RPS2: variants seen among roughly 807,000 people sequenced by gnomAD.
RPS2 encodes the protein small ribosomal subunit protein uS5.
RPS2 carries 8 observed loss-of-function variants against 25.3 expected under a neutral mutation model. That is an observed-to-expected ratio of 0.32 (90% CI 0.19 to 0.57). The LOEUF (loss-of-function observed/expected upper bound fraction) is 0.57, where lower values mean the gene tolerates loss of function less well. Among genes scored for constraint, RPS2 ranks in the 20% least tolerant of loss-of-function variants. RPS2 has a pLI of 0.90. For synonymous variants in RPS2, 181 were observed against 161.3 expected, an observed-to-expected ratio of 1.12 and a Z score of -0.92; for missense variants, 229 against 408.1, an observed-to-expected ratio of 0.56 and a Z score of 3.78.
At chr16:1,964,782 C>G (rs2083291948) in intron 1 of RPS2, 25 bp downstream of exon 1, 4 of 552,020 alleles carry the variant, frequency 7.2e-6, no homozygotes, top group Admixed American at 7.5e-5. Context: ...CGCAGAGGCC[C>G]GCTGCAGCGA....
intron 3 of RPS2, chr16:1,963,665 C>G (rs984954195): frequency 6.8e-5 from 25 of 367,738 alleles, no homozygotes; most frequent in Non-Finnish European, 1.1e-4. Flanking sequence ...GGCTTCCCCC[C>G]GATCTGTCCC....
chr16:1,963,629 CGAAGAAGTCATGAA>C (rs2083278667), intron 3 of RPS2: 1 of 334,022 alleles, frequency 3.0e-6, no homozygotes, highest in Non-Finnish European at 5.9e-6. Flanking sequence ...CAAAAAAAAC[CGAAGAAGTCATGAA>C]CCCCCTCACC....
intron 4 of RPS2, 119 bp downstream of exon 4, chr16:1,963,030 G>C: frequency 7.3e-7 from 1 of 1,376,430 alleles, no homozygotes; most frequent in Non-Finnish European, 1.0e-6. Flanking sequence ...GAGGTCCTGA[G>C]GAGATCTTTT....
rs1221304310 is a variant in RPS2, at chr16:1,964,496, G to T, written c.130C>A (p.Arg44=). 73 of 1,604,600 alleles carry T rather than the reference G, an allele frequency of 4.5e-5. No individual in the cohort carries two copies. The highest frequency in any genetic ancestry group is 6.1e-5 in the Non-Finnish European group (72 of 1,176,728). Residue 44 remains arginine (R), a synonymous_variant, in exon 2 of 7, where the codon CGG becomes AGG. Coordinates refer to ENST00000343262, the MANE Select transcript of RPS2 (RefSeq NM_002952.4). ...CCGCGAGCTCCGCGGCCTCGGCCCCGGCCCCGTCCACGGCCGCGACCCCGG... is the reference window on the plus strand; with the variant it reads ...CCGCGAGCTCCGCGGCCTCGGCCCCTGCCCCGTCCACGGCCGCGACCCCGG... The part of the protein sequence containing the change: ...RGRGRGRGRG[R]GRGRGARGGK...
chr16:1,964,015 C>G (rs1288573438), intron 3 of RPS2: 7 of 513,712 alleles, frequency 1.4e-5, no homozygotes, highest in Non-Finnish European at 2.1e-5. Context: ...AGCGCTGCTT[C>G]TCTTTCAGTT....
chr16:1,964,209 T>G lies in RPS2; in HGVS notation c.267+67A>C, dbSNP rs113400382. 1.4e-5 allele frequency: 17 copies of G among 1,191,884 alleles called. No homozygotes were observed. In the African/African-American group the frequency reaches 2.2e-4, roughly 16 times the overall value. 73.8% of individuals were successfully genotyped at this position (1,191,884 alleles called of 1,614,324 possible). A position where few individuals can be genotyped will look rare whatever the true frequency, so the allele number is the denominator to read the frequency against. On this transcript the variant is annotated intron_variant, in intron 3 of 6. Transcript: ENST00000343262. ...AATGCGAGTCAATGGCAGATGCTAA[T>G]CCTCCAACCCCAGCCCAAATGACTC...
chr16:1,964,166 CGA>C, intron 3 of RPS2, 108 bp downstream of exon 3: 1 of 818,284 alleles, frequency 1.2e-6, no homozygotes, highest in Middle Eastern at 3.6e-4. Flanking sequence ...ACCTCTCACG[CGA>C]GACGCTGGGC....
At chr16:1,963,570 C>A in intron 3 of RPS2, 4 of 357,370 alleles carry the variant, frequency 1.1e-5, no homozygotes, top group South Asian at 8.8e-5. Flanking sequence ...GAGCCGAGAT[C>A]ACGCCAGCCT....
Position 1,964,586 on chromosome 16 carries a change from G to T in RPS2, c.40C>A (p.Pro14Thr). 6.5e-7 allele frequency: 1 copy of T among 1,544,690 alleles called. No individual in the cohort carries two copies. The highest frequency in any genetic ancestry group is 8.7e-7 in the Non-Finnish European group (1 of 1,152,544). Residue 14 changes from proline (P) to threonine (T), a missense_variant, in exon 2 of 7, where the codon CCT (proline) becomes ACT (threonine). Physicochemically the swap from Pro to Thr is conservative, Grantham distance 38. This residue lies in a region of RPS2 where 27 missense variants were observed against 26.4 expected (regional missense o/e 1.02). Coordinates refer to ENST00000343262, the MANE Select transcript of RPS2 (RefSeq NM_002952.4). ...DAGAAGGPGG[P>T]GGPGMGNRGG... is the part of the protein sequence containing the mutation. Reference sequence around the variant, plus strand: ...CGGTTCCCCATCCCAGGGCCACCAGGGCCCCCGGGCCCCCCCGCTGCACCG... The same window carrying T: ...CGGTTCCCCATCCCAGGGCCACCAGTGCCCCCGGGCCCCCCCGCTGCACCG...
Position 1,964,398 on chromosome 16 carries a change from C to A in RPS2, c.178-33G>T, listed in dbSNP as rs371546958. 45 of 1,612,932 alleles carry A rather than the reference C, an allele frequency of 2.8e-5. No homozygotes were observed. The African/African-American group carries it at 5.2e-4, about 19-fold the overall frequency. On this transcript the variant is annotated intron_variant, in intron 2 of 6. Transcript: ENST00000343262. Reference sequence around the variant, plus strand: ...GAGAAAAGGCGCCAGTGACCAGGACCGCTCTCCGGCGCCGCCCAGGGGCCC... The same window carrying A: ...GAGAAAAGGCGCCAGTGACCAGGACAGCTCTCCGGCGCCGCCCAGGGGCCC...
At chr16:1,963,030 G>A (rs775459779) in intron 4 of RPS2, 119 bp downstream of exon 4, 78 of 1,376,430 alleles carry the variant, frequency 5.7e-5, no homozygotes, top group Non-Finnish European at 8.0e-5. Context: ...GAGGTCCTGA[G>A]GAGATCTTTT....
At chr16:1,963,022 G>A (rs759700030) in intron 4 of RPS2, 113 bp from the exon 5 acceptor site, 9 of 1,386,274 alleles carry the variant, frequency 6.5e-6, no homozygotes, top group Non-Finnish European at 9.2e-6. Flanking sequence ...GCCCATCCGA[G>A]GTCCTGAGGA....
At position 1,963,628 on chromosome 16, in the gene RPS2, C is replaced by A. The variant is rs776381869; in HGVS notation, c.268-372G>T. On this transcript the variant is annotated intron_variant, in intron 3 of 6. Transcript: ENST00000343262. ...AACCGCCCACCCCGCCCAAAAAAAA[C>A]CGAAGAAGTCATGAACCCCCTCACC... 5 of 335,332 alleles carry A rather than the reference C, an allele frequency of 1.5e-5. No homozygotes were observed. In the Admixed American group the frequency reaches 2.0e-4, roughly 13 times the overall value. The allele number at this position is 335,332 out of a possible 1,614,324, so 20.8% of individuals were successfully genotyped here. A position where few individuals can be genotyped will look rare whatever the true frequency, so the allele number is the denominator to read the frequency against.
At position 1,963,259 on chromosome 16, in the gene RPS2, G is replaced by C. The variant is rs780193887; in HGVS notation, c.268-3C>G. On this transcript the variant is annotated splice_polypyrimidine_tract_variant and splice_region_variant and intron_variant, in intron 3 of 6. Transcript: ENST00000343262. ...AAGAAATCAATGATCTCTGATTCCT[G>C]AAACAAACAAGAAAATTGTAGGGAG... The C allele has an allele frequency of 3.3e-6, 5 of 1,497,120 alleles. No individual in the cohort carries two copies. In the South Asian group the frequency reaches 6.1e-5, roughly 18 times the overall value. The allele number at this position is 1,497,120 out of a possible 1,614,324, so 92.7% of individuals were successfully genotyped here.
Position 1,962,063 on chromosome 16 carries a change from C to T in RPS2, c.*35G>A, listed in dbSNP as rs746503859. On this transcript the variant is annotated 3_prime_UTR_variant, in exon 7 of 7. Coordinates refer to ENST00000343262, the MANE Select transcript of RPS2 (RefSeq NM_002952.4). ...AGGACACGGGAAAAAAACAGTAACA[C>T]GCTTAATTCACTTTATTTTTCTTGT... 4 of 1,516,866 alleles carry T rather than the reference C, an allele frequency of 2.6e-6. No individual in the cohort carries two copies. The highest frequency in any genetic ancestry group is 1.4e-5 in the African/African-American group (1 of 71,784). The allele number at this position is 1,516,866 out of a possible 1,614,324, so 94.0% of individuals were successfully genotyped here.
chr16:1,962,221 G>A lies in RPS2; in HGVS notation c.759C>T (p.Pro253=), dbSNP rs145826103. The A allele has an allele frequency of 6.6e-5, 107 of 1,609,714 alleles. No homozygotes were observed. The highest frequency in any genetic ancestry group is 1.2e-4 in the South Asian group (11 of 91,020). ...AISKTYSYLT[P]DLWKETVFTK... ...TGAATACAGTCTCCTTCCAGAGGTC[G>A]GGGGTCAGGTAGCTGTAGGTCTTAG... The change falls in exon 7 of 7, where the codon CCC becomes CCT. Residue 253 remains proline, a synonymous_variant. Coordinates refer to ENST00000343262, the MANE Select transcript of RPS2 (RefSeq NM_002952.4).
rs566334570 is a variant in RPS2, at chr16:1,964,254, C to A, written c.267+22G>T. ...TGACTCCGGGGTCGCACTTGCTCAACGCCCCAACGACCGACGCGTACCTTA... is the reference window on the plus strand; with the variant it reads ...TGACTCCGGGGTCGCACTTGCTCAAAGCCCCAACGACCGACGCGTACCTTA... On this transcript the variant is annotated intron_variant, in intron 3 of 6. Transcript: ENST00000343262. 1.9e-4 allele frequency: 301 copies of A among 1,586,342 alleles called. 5 individuals are homozygous for A. In the South Asian group the frequency reaches 3.2e-3, roughly 17 times the overall value.
chr16:1,963,406 AG>A, intron 3 of RPS2, 150 bp from the exon 4 acceptor site: 1 of 596,040 alleles, frequency 1.7e-6, no homozygotes, highest in East Asian at 2.9e-5. Context: ...TCACAAGGTC[AG>A]GAGTCCGATA....
chr16:1,964,223 C>A, intron 3 of RPS2, 53 bp downstream of exon 3: 1 of 1,351,972 alleles, frequency 7.4e-7, no homozygotes, highest in Admixed American at 1.7e-5. Flanking sequence ...CCAACCCCAG[C>A]CCAAATGACT....
Sources: gnomAD v4.1 joint callset for allele counts on GRCh38, gnomAD v4.1.1 for gene constraint, gnomAD v4.1.1 regional missense constraint, MANE v1.5 for transcripts, NCBI Gene and HGNC (gene_info 2026-07-23, HGNC 2026-07-21) for gene names.